Variants in G2E3 observed in about 807,000 individuals in gnomAD.
G2E3 encodes the protein G2/M-phase specific E3 ubiquitin protein ligase.
G2E3 carries 35 observed loss-of-function variants against 92.8 expected under a neutral mutation model. That is an observed-to-expected ratio of 0.38 (90% CI 0.29 to 0.50). The LOEUF is 0.50. Among genes scored for constraint, G2E3 ranks in the 20% least tolerant of loss-of-function variants. The probability of loss-of-function intolerance (pLI) is 0.94; values close to 1 mark genes in which losing one functional copy is unlikely to be tolerated. For missense variants in G2E3, 554 were observed against 823.8 expected, an observed-to-expected ratio of 0.67 and a Z score of 4.01; for synonymous variants, 242 against 272.4, an observed-to-expected ratio of 0.89 and a Z score of 1.10.
intron 1 of G2E3, among the ~76,000 whole-genome samples, chr14:30,563,738 T>TGTGTGTGA (rs566217168): frequency 2.0e-4 from 28 of 141,620 alleles, no homozygotes; most frequent in African/African-American, 7.3e-4. Flanking sequence ...TGTGTGTGTG[T>TGTGTGTGA]GATATAGAGT....
intron 3 of G2E3, among the ~76,000 whole-genome samples, chr14:30,587,353 ACCAATTTCT>A (rs1238676483): frequency 6.6e-6 from 1 of 152,028 alleles, no homozygotes; most frequent in African/African-American, 2.4e-5. Context: ...CCTCCCCTCC[ACCAATTTCT>A]CACCTCACTG....
intron 12 of G2E3, chr14:30,611,663 C>A (rs1411510840): frequency 1.3e-5 from 2 of 149,536 alleles, no homozygotes; most frequent in South Asian, 4.2e-4. Flanking sequence ...CTTTTTTTTT[C>A]TTTTCTTTTT....
chr14:30,600,946 C>T (rs1252125313), intron 8 of G2E3, among the ~76,000 whole-genome samples: 1 of 152,142 alleles, frequency 6.6e-6, no homozygotes, highest in African/African-American at 2.4e-5. Flanking sequence ...GAGAACTGGA[C>T]CTGGAGCATA....
chr14:30,566,066 T>C (rs1879418008), intron 1 of G2E3, among the ~76,000 whole-genome samples: 1 of 152,248 alleles, frequency 6.6e-6, no homozygotes, highest in Non-Finnish European at 1.5e-5. Context: ...AAAATTAGTT[T>C]ACTATAAAAC....
chr14:30,576,274 ACT>A (rs1418055231), intron 1 of G2E3, among the ~76,000 whole-genome samples: 4 of 151,956 alleles, frequency 2.6e-5, no homozygotes, highest in African/African-American at 9.7e-5. Flanking sequence ...TAGGGAAAAG[ACT>A]CTCTGTTTAT....
chr14:30,595,113 G>T (rs1391601666), intron 6 of G2E3, among the ~76,000 whole-genome samples: 1 of 152,054 alleles, frequency 6.6e-6, no homozygotes, highest in Non-Finnish European at 1.5e-5. Context: ...ACTCCTGTCT[G>T]GGCGACAGAG....
intron 1 of G2E3, among the ~76,000 whole-genome samples, chr14:30,564,041 T>C (rs1879287656): frequency 6.6e-6 from 1 of 152,154 alleles, no homozygotes; most frequent in South Asian, 2.1e-4. Context: ...CTTAAACTTA[T>C]CCTTTTGTTT....
intron 8 of G2E3, among the ~76,000 whole-genome samples, chr14:30,599,255 T>A (rs1881443777): frequency 6.6e-6 from 1 of 152,058 alleles, no homozygotes; most frequent in Admixed American, 6.6e-5. Flanking sequence ...TGAGATGGAG[T>A]CTTGCTCTGT....
chr14:30,590,860 A>G (rs530253220), intron 4 of G2E3: 1 of 380,702 alleles, frequency 2.6e-6, no homozygotes, highest in African/African-American at 2.1e-5. Flanking sequence ...GGAACTACAG[A>G]TTGAATATCC....
rs1488038388 is a variant in G2E3 at position 30,594,240 on chromosome 14, A to G, written c.528+601A>G. On this transcript the variant is annotated intron_variant, in intron 6 of 14. Transcript: ENST00000206595. ...TTCTGAAAATACTTGAAAACTTGAA[A>G]AAGATTCCAGTTATTAGTAACATCA... Among the ~76,000 whole-genome samples, 12 of 152,348 alleles carry G rather than the reference A, an allele frequency of 7.9e-5. No homozygotes were observed. The East Asian group carries it at 2.3e-3, about 29-fold the overall frequency.
At chr14:30,581,900 C>T (rs1366864091) in intron 2 of G2E3, among the ~76,000 whole-genome samples, 1 of 152,200 alleles carries the variant, frequency 6.6e-6, no homozygotes, top group African/African-American at 2.4e-5. Context: ...GCCACTTCTA[C>T]CTCATCCACT....
In G2E3 at chr14:30,593,476, C is replaced by T; in HGVS notation, c.365C>T (p.Ser122Leu). Residue 122 changes from serine (S) to leucine (L), a missense_variant and splice_region_variant, in exon 6 of 15, where the codon TCA becomes TTA. By Grantham distance (145) the Ser-to-Leu change is moderately radical. Coordinates refer to ENST00000206595, the MANE Select transcript of G2E3 (RefSeq NM_017769.5). ...TTTAAAATAATTTACATTTTTAGGT[C>T]ATTTTGTTGGGACCATCGACCTGTT... Reference protein sequence around the residue: ...CIFQFTGNFASFCWDHRPVQI... With the variant: ...CIFQFTGNFALFCWDHRPVQI... 6.8e-7 allele frequency: 1 copy of T among 1,460,360 alleles called. No individual in the cohort carries two copies. The highest frequency in any genetic ancestry group is 9.4e-7 in the Non-Finnish European group (1 of 1,069,504). 90.5% of individuals were successfully genotyped at this position (1,460,360 alleles called of 1,614,324 possible).
chr14:30,588,527 A>G (rs1280469711), intron 3 of G2E3, among the ~76,000 whole-genome samples: 3 of 152,162 alleles, frequency 2.0e-5, no homozygotes, highest in Middle Eastern at 3.2e-3. Context: ...TTCAATGAAT[A>G]TAATACTTTA....
At position 30,598,511 on chromosome 14, in the gene G2E3, G is replaced by C. The variant is rs759202014; in HGVS notation, c.664G>C (p.Ala222Pro). Residue 222 changes from alanine (A) to proline (P), a missense_variant, in exon 8 of 15, where the codon GCT (alanine) becomes CCT (proline). Around this residue, in one of 3 missense-constraint regions of G2E3, gnomAD observed 397 missense variants for 560.3 expected, o/e 0.71. Transcript: ENST00000206595. ...TGCTTCCTGGGAATTAGAGGAAAAC[G>C]CTTATCAAGAGCTTCTGCAGCACTA... ...KDASWELEEN[A>P]YQELLQHYER... 1 of 1,612,530 alleles carries C rather than the reference G, an allele frequency of 6.2e-7. No homozygotes were observed. Among genetic ancestry groups the C allele is most frequent in the Non-Finnish European group, 8.5e-7 (1 of 1,178,540 alleles).
At chr14:30,608,719 T>G (rs1008515800) in intron 12 of G2E3, among the ~76,000 whole-genome samples, 1 of 152,248 alleles carries the variant, frequency 6.6e-6, no homozygotes, top group African/African-American at 2.4e-5. Context: ...CTTTAAAAAC[T>G]GAGACAATGC....
At chr14:30,605,463 C>T (rs1881787264) in intron 10 of G2E3, 42 bp from the exon 11 acceptor site, 1 of 767,328 alleles carries the variant, frequency 1.3e-6, no homozygotes, top group Admixed American at 2.8e-5. Flanking sequence ...ACATAAAGTA[C>T]TTTAAAGTAC....
chr14:30,580,389 A>G (rs1469001628), intron 1 of G2E3, among the ~76,000 whole-genome samples: 1 of 152,086 alleles, frequency 6.6e-6, no homozygotes, highest in East Asian at 1.9e-4. Context: ...TATTTTTGGT[A>G]GAAACAGGGT....
chr14:30,580,870 A>G (rs1178595233), intron 1 of G2E3: 8 of 493,156 alleles, frequency 1.6e-5, no homozygotes, highest in Non-Finnish European at 2.6e-5. Context: ...ACAGCTAAAA[A>G]ACATTCCCTT....
intron 1 of G2E3, among the ~76,000 whole-genome samples, chr14:30,565,836 G>T (rs551880558): frequency 1.3e-4 from 20 of 151,292 alleles, no homozygotes; most frequent in Middle Eastern, 6.8e-3. Flanking sequence ...TAATTTTTTT[G>T]TATTTTTAGT....
Sources: gnomAD v4.1 joint callset for allele counts (sites outside exome capture counted in the v4.1 genomes callset) on GRCh38, gnomAD v4.1.1 for gene constraint, gnomAD v4.1.1 regional missense constraint, MANE v1.5 for transcripts, NCBI Gene and HGNC (gene_info 2026-07-23, HGNC 2026-07-21) for gene names.